Variants in MYO9A observed in about 807,000 individuals in gnomAD.
MYO9A encodes the protein unconventional myosin-IXa.
Under a neutral mutation model 293.3 loss-of-function variants are expected in MYO9A, and 103 were observed. The ratio of observed to expected loss-of-function variants is 0.35; its 90% CI spans 0.30 to 0.41. The LOEUF (loss-of-function observed/expected upper bound fraction) is 0.41, where lower values mean the gene tolerates loss of function less well. Ranked by LOEUF, MYO9A falls within the 10% of genes least tolerant of loss-of-function variation. The probability of loss-of-function intolerance (pLI) is 1.00; values close to 1 mark genes in which losing one functional copy is unlikely to be tolerated. For missense variants in MYO9A, 2,685 were observed against 3,033.0 expected, an observed-to-expected ratio of 0.89 and a Z score of 2.69; for synonymous variants, 1,001 against 1,035.7, an observed-to-expected ratio of 0.97 and a Z score of 0.64.
rs544867512 is a variant in MYO9A, at chr15:72,080,463, A to G, written c.-71-33829T>C. Among the ~76,000 whole-genome samples the G allele has an allele frequency of 1.3e-3, 196 of 152,024 alleles. 2 individuals carry two copies. Among genetic ancestry groups the G allele is most frequent in the African/African-American group, 4.3e-3 (180 of 41,492 alleles). Reference sequence around the variant, plus strand: ...TAGCCTAGGAGAGAAGTGTCCACCAACCTATGAAGACAGTCTCCACAGCTC... The same window carrying G: ...TAGCCTAGGAGAGAAGTGTCCACCAGCCTATGAAGACAGTCTCCACAGCTC... On this transcript the variant is annotated intron_variant, in intron 1 of 41. Transcript: ENST00000356056.
At chr15:72,083,021 G>A (rs1225856714) in intron 1 of MYO9A, among the ~76,000 whole-genome samples, 1 of 151,876 alleles carries the variant, frequency 6.6e-6, no homozygotes, top group Non-Finnish European at 1.5e-5. Context: ...ATATCAGGAT[G>A]ATACTGGCCT....
chr15:71,883,933 CTGGGTT>C (rs1257122902), intron 27 of MYO9A, among the ~76,000 whole-genome samples, 197 bp from the exon 28 acceptor site: 2 of 79,702 alleles, frequency 2.5e-5, no homozygotes, highest in East Asian at 4.9e-4. Context: ...TTTAACTTCT[CTGGGTT>C]TTGTTATTTC....
intron 13 of MYO9A, among the ~76,000 whole-genome samples, chr15:71,966,674 C>T (rs577308316): frequency 6.6e-6 from 1 of 152,100 alleles, no homozygotes; most frequent in Non-Finnish European, 1.5e-5. Context: ...TGGATCCCCC[C>T]CAACCTCTAC....
intron 35 of MYO9A, among the ~76,000 whole-genome samples, chr15:71,853,320 G>A (rs1338595745): frequency 6.6e-6 from 1 of 152,220 alleles, no homozygotes; most frequent in Non-Finnish European, 1.5e-5. Context: ...TAAAAGGACA[G>A]TGATAACTGA....
chr15:71,883,750 T>G lies in MYO9A; in HGVS notation c.5256-14A>C. On this transcript the variant is annotated splice_polypyrimidine_tract_variant and intron_variant, in intron 27 of 41. Coordinates refer to ENST00000356056, the MANE Select transcript of MYO9A (RefSeq NM_006901.4). The stretch of plus-strand genomic sequence containing the variant: ...GCTCTCTGAGGTCTGTTTAAAGAAA[T>G]AAAGGTAAAAATGGAAATTAAGAGT... 6.3e-7 allele frequency: 1 copy of G among 1,595,370 alleles called. No individual in the cohort carries two copies. The highest frequency in any genetic ancestry group is 1.4e-5 in the African/African-American group (1 of 73,880).
At chr15:71,932,237 T>C (rs192748343) in intron 18 of MYO9A, among the ~76,000 whole-genome samples, 130 of 152,224 alleles carry the variant, frequency 8.5e-4, no homozygotes, top group Middle Eastern at 3.4e-3. Flanking sequence ...ACGTCTATAT[T>C]TTAGATCAGA....
chr15:72,065,191 A>T (rs1255176939), intron 1 of MYO9A, among the ~76,000 whole-genome samples: 1 of 152,178 alleles, frequency 6.6e-6, no homozygotes, highest in Non-Finnish European at 1.5e-5. Context: ...AAAGGTAATA[A>T]AATTAACATT....
intron 1 of MYO9A, among the ~76,000 whole-genome samples, chr15:72,048,000 A>ATAC (rs2078441750): frequency 6.6e-6 from 1 of 151,736 alleles, no homozygotes; most frequent in African/African-American, 2.4e-5. Context: ...CTATCCTCTC[A>ATAC]TACTACTACA....
intron 16 of MYO9A, among the ~76,000 whole-genome samples, chr15:71,937,647 T>C (rs377023487): frequency 1.4e-3 from 209 of 152,304 alleles, no homozygotes; most frequent in African/African-American, 4.4e-3. Context: ...ATTCGTTTTA[T>C]TGTGGTGGTC....
chr15:71,987,124 G>T (rs2076426809), intron 11 of MYO9A, among the ~76,000 whole-genome samples: 1 of 152,126 alleles, frequency 6.6e-6, no homozygotes, highest in Admixed American at 6.5e-5. Context: ...GTACAGGTTT[G>T]TGGCCTAGGA....
chr15:71,944,026 G>A (rs1055901307), intron 15 of MYO9A, among the ~76,000 whole-genome samples: 1 of 152,044 alleles, frequency 6.6e-6, no homozygotes, highest in Non-Finnish European at 1.5e-5. Flanking sequence ...TTATCAGTTC[G>A]TATTTCAACT....
In MYO9A at chr15:71,898,026, G is replaced by A; in HGVS notation, c.4477C>T (p.Leu1493=). Reference sequence around the variant, plus strand: ...TGCCTTTCTTCCTTCTCAGTGTTTAGCTTTTCTAACTTCTTAAGCACAGGA... The same window carrying A: ...TGCCTTTCTTCCTTCTCAGTGTTTAACTTTTCTAACTTCTTAAGCACAGGA... The part of the protein sequence containing the change: ...SNPVLKKLEK[L]NTEKEERQKQ... Residue 1493 remains leucine (L), a synonymous_variant, in exon 25 of 42, where the codon CTA becomes TTA. Coordinates refer to ENST00000356056, the MANE Select transcript of MYO9A (RefSeq NM_006901.4). The A allele has an allele frequency of 1.2e-6, 2 of 1,614,034 alleles. No homozygotes were observed. The highest frequency in any genetic ancestry group is 1.7e-6 in the Non-Finnish European group (2 of 1,180,026).
intron 31 of MYO9A, among the ~76,000 whole-genome samples, chr15:71,877,298 A>C (rs2056724369): frequency 6.6e-6 from 1 of 152,208 alleles, no homozygotes; most frequent in African/African-American, 2.4e-5. Context: ...AGGCACTCAA[A>C]ATAAAAAGGT....
chr15:72,051,279 G>A (rs2078554573), intron 1 of MYO9A, among the ~76,000 whole-genome samples: 1 of 152,160 alleles, frequency 6.6e-6, no homozygotes, highest in Non-Finnish European at 1.5e-5. Context: ...CAGTGGGGGA[G>A]GTGCAGCCAG....
intron 1 of MYO9A, among the ~76,000 whole-genome samples, chr15:72,065,232 T>G (rs1211380432): frequency 6.6e-5 from 10 of 152,268 alleles, no homozygotes. Context: ...AATATTTACA[T>G]GAGCCAGGCA....
intron 11 of MYO9A, among the ~76,000 whole-genome samples, chr15:71,987,750 T>C (rs2148260999): frequency 6.6e-6 from 1 of 152,348 alleles, no homozygotes; most frequent in South Asian, 2.1e-4. Context: ...TGTGATACTG[T>C]ACCTTCTTTT....
At chr15:71,911,288 T>C (rs183807291) in intron 19 of MYO9A, among the ~76,000 whole-genome samples, 102 of 152,344 alleles carry the variant, frequency 6.7e-4, no homozygotes, top group African/African-American at 2.4e-3. Flanking sequence ...CTTAGAGCTA[T>C]AATTAAAACC....
intron 9 of MYO9A, 66 bp from the exon 10 acceptor site, chr15:71,994,651 G>T (rs1351636231): frequency 1.2e-6 from 1 of 858,514 alleles, no homozygotes; most frequent in Non-Finnish European, 1.8e-6. Context: ...TGACAAAGTT[G>T]TTTGCTCCCA....
chr15:71,957,289 G>A (rs933489276), intron 14 of MYO9A, among the ~76,000 whole-genome samples: 3 of 151,990 alleles, frequency 2.0e-5, no homozygotes, highest in African/African-American at 7.3e-5. Flanking sequence ...ATACTTCTCA[G>A]GTTACTGGGA....
Sources: gnomAD v4.1 joint callset for allele counts (sites outside exome capture counted in the v4.1 genomes callset) on GRCh38, gnomAD v4.1.1 for gene constraint, MANE v1.5 for transcripts, NCBI Gene and HGNC (gene_info 2026-07-23, HGNC 2026-07-21) for gene names.